The following MINDY3 variants were observed in gnomAD, a reference collection of about 807,000 sequenced individuals.
The protein encoded by MINDY3 is ubiquitin carboxyl-terminal hydrolase MINDY-3.
MINDY3 carries 38 observed loss-of-function variants against 69.2 expected under a neutral mutation model. The ratio of observed to expected loss-of-function variants is 0.55; its 90% CI spans 0.42 to 0.72. The LOEUF is 0.72. Among genes scored for constraint, MINDY3 ranks in the 30% least tolerant of loss-of-function variants. The probability of loss-of-function intolerance (pLI) is 0.00; values close to 1 mark genes in which losing one functional copy is unlikely to be tolerated. For synonymous variants in MINDY3, 192 were observed against 180.1 expected, an observed-to-expected ratio of 1.07 and a Z score of -0.53; for missense variants, 522 against 519.0, an observed-to-expected ratio of 1.01 and a Z score of -0.06.
chr10:15,837,954 A>G (rs1833199771), intron 5 of MINDY3: 1 of 955,052 alleles, frequency 1.0e-6, no homozygotes, highest in African/African-American at 1.8e-5. Context: ...CAGAAACATT[A>G]AGCTAAAATG....
chr10:15,796,476 G>GAA (rs746694573), intron 10 of MINDY3, among the ~76,000 whole-genome samples: 2,193 of 138,284 alleles, frequency 0.016, 54 homozygotes, highest in African/African-American at 0.053. Context: ...AATGTAGCAT[G>GAA]AAAAAAAAAA....
intron 8 of MINDY3, among the ~76,000 whole-genome samples, chr10:15,822,466 A>T (rs1839834080): frequency 6.6e-6 from 1 of 152,216 alleles, no homozygotes; most frequent in Non-Finnish European, 1.5e-5. Flanking sequence ...ATGACAAGAA[A>T]ATTCAAAGCA....
At chr10:15,857,297 G>A (rs750039309) in intron 1 of MINDY3, among the ~76,000 whole-genome samples, 3 of 152,126 alleles carry the variant, frequency 2.0e-5, no homozygotes, top group Admixed American at 1.3e-4. Context: ...GTGACTCCAA[G>A]TGTTTGCTCA....
intron 9 of MINDY3, among the ~76,000 whole-genome samples, chr10:15,820,434 G>A (rs1052274221): frequency 1.3e-5 from 2 of 152,078 alleles, no homozygotes; most frequent in Admixed American, 6.6e-5. Flanking sequence ...GCAGGCATGC[G>A]TGCACATCCC....
intron 3 of MINDY3, among the ~76,000 whole-genome samples, chr10:15,842,008 T>A (rs1483653733): frequency 6.6e-6 from 1 of 151,730 alleles, no homozygotes; most frequent in African/African-American, 2.4e-5. Flanking sequence ...TCTGAATTAA[T>A]CTAACGTCTA....
intron 10 of MINDY3, among the ~76,000 whole-genome samples, chr10:15,802,794 A>T (rs1175549657): frequency 2.0e-5 from 3 of 151,884 alleles, no homozygotes; most frequent in Admixed American, 2.0e-4. Flanking sequence ...AATACAACAA[A>T]CTGTGTCTTG....
At chr10:15,841,670 T>A in intron 3 of MINDY3, 71 bp from the exon 4 acceptor site, 1 of 917,814 alleles carries the variant, frequency 1.1e-6, no homozygotes, top group African/African-American at 1.7e-5. Context: ...TGAATAACAA[T>A]AGTAAGAATG....
At chr10:15,824,007 C>T (rs189425138) in intron 8 of MINDY3, among the ~76,000 whole-genome samples, 1 of 152,236 alleles carries the variant, frequency 6.6e-6, no homozygotes. Flanking sequence ...TTATAGAATT[C>T]CAGTTTCTTT....
chr10:15,828,225 GTA>G (rs1235727779), intron 8 of MINDY3, among the ~76,000 whole-genome samples: 4 of 152,186 alleles, frequency 2.6e-5, no homozygotes, highest in Non-Finnish European at 5.9e-5. Context: ...TTGTGCAATG[GTA>G]TGTTATTCAT....
intron 12 of MINDY3, among the ~76,000 whole-genome samples, chr10:15,786,877 C>T (rs1240643745): frequency 2.0e-5 from 3 of 152,062 alleles, no homozygotes; most frequent in African/African-American, 7.2e-5. Context: ...ATTGTGATGA[C>T]TTTGGAATAT....
chr10:15,844,243 T>A (rs2132100697), intron 2 of MINDY3, among the ~76,000 whole-genome samples: 1 of 152,298 alleles, frequency 6.6e-6, no homozygotes, highest in East Asian at 1.9e-4. Flanking sequence ...TACATAGGCA[T>A]AAAGTCTACA....
At chr10:15,839,433 T>C (rs1311712225) in intron 4 of MINDY3, among the ~76,000 whole-genome samples, 2 of 151,640 alleles carry the variant, frequency 1.3e-5, no homozygotes, top group Non-Finnish European at 3.0e-5. Flanking sequence ...AAAGTAATAT[T>C]AACAAGAGGG....
intron 9 of MINDY3, among the ~76,000 whole-genome samples, chr10:15,818,751 CA>C (rs1030014132): frequency 1.1e-4 from 17 of 152,300 alleles, no homozygotes; most frequent in African/African-American, 3.8e-4. Context: ...CTATATACTA[CA>C]TGATTCCATT....
chr10:15,790,385 A>C (rs1278266165), intron 11 of MINDY3, among the ~76,000 whole-genome samples: 1 of 152,112 alleles, frequency 6.6e-6, no homozygotes. Flanking sequence ...CAATTTTTTA[A>C]GTGAAGGGTT....
intron 13 of MINDY3, among the ~76,000 whole-genome samples, chr10:15,783,812 T>C (rs1407847264): frequency 1.3e-5 from 2 of 152,314 alleles, no homozygotes; most frequent in Non-Finnish European, 2.9e-5. Context: ...ATAATTTGAC[T>C]CTTGGCTATC....
chr10:15,837,582 C>T lies in MINDY3; in HGVS notation c.462-264G>A, dbSNP rs1214067222. On this transcript the variant is annotated intron_variant, in intron 5 of 14. Coordinates refer to ENST00000277632, the MANE Select transcript of MINDY3 (RefSeq NM_024948.4). ...TTCATCTCTTAGGTGAACTGTCTGG[C>T]ATCAGTAAATTCTTCAATAATATAC... 2.2e-6 allele frequency: 3 copies of T among 1,374,912 alleles called. 1 individual carries two copies. The highest frequency in any genetic ancestry group is 2.5e-5 in the South Asian group (2 of 79,320). 85.2% of individuals were successfully genotyped at this position (1,374,912 alleles called of 1,614,324 possible). A position where few individuals can be genotyped will look rare whatever the true frequency, so the allele number is the denominator to read the frequency against.
At chr10:15,791,539 G>T (rs1298174143) in intron 11 of MINDY3, among the ~76,000 whole-genome samples, 1 of 151,914 alleles carries the variant, frequency 6.6e-6, no homozygotes, top group Non-Finnish European at 1.5e-5. Context: ...GGACTATGAG[G>T]CAGGGCAAGC....
At chr10:15,831,355 A>G (rs1273316735) in intron 8 of MINDY3, among the ~76,000 whole-genome samples, 1 of 152,228 alleles carries the variant, frequency 6.6e-6, no homozygotes, top group East Asian at 1.9e-4. Context: ...AAGAAGGTTC[A>G]GTGAAATATA....
chr10:15,793,850 A>G (rs916319909), intron 11 of MINDY3, among the ~76,000 whole-genome samples: 1 of 152,142 alleles, frequency 6.6e-6, no homozygotes, highest in East Asian at 1.9e-4. Context: ...AATGCCACAC[A>G]TCATTCTTAG....
Sources: gnomAD v4.1 joint callset for allele counts (sites outside exome capture counted in the v4.1 genomes callset) on GRCh38, gnomAD v4.1.1 for gene constraint, MANE v1.5 for transcripts, NCBI Gene and HGNC (gene_info 2026-07-23, HGNC 2026-07-21) for gene names.